The following PAX3 variants were observed in gnomAD, a reference collection of about 807,000 sequenced individuals.
PAX3 encodes the protein paired box protein Pax-3.
PAX3 carries 14 observed loss-of-function variants against 51.6 expected under a neutral mutation model. That is an observed-to-expected ratio of 0.27 (90% CI 0.18 to 0.42). PAX3 has a LOEUF of 0.42. Among genes scored for constraint, PAX3 ranks in the 10% least tolerant of loss-of-function variants. PAX3 has a pLI of 1.00. For missense variants in PAX3, 540 were observed against 642.8 expected (o/e 0.84, Z 1.73); for synonymous variants, 280 against 253.4 (o/e 1.11, Z -1.00).
intron 5 of PAX3, among the ~76,000 whole-genome samples, chr2:222,225,261 T>C (rs895820570): frequency 1.3e-5 from 2 of 152,208 alleles, no homozygotes; most frequent in African/African-American, 2.4e-5. Flanking sequence ...TCCCAACTTG[T>C]ATGTCTCTCT....
In PAX3 at chr2:222,218,250, G is replaced by C. The variant is rs114701745; in HGVS notation, c.1173+1890C>G. Reference sequence around the variant, plus strand: ...CCATCAACTCCAGAATCATAGCCAGGCTTCTTGAAGTCAAGGATTAATAGT... The same window carrying C: ...CCATCAACTCCAGAATCATAGCCAGCCTTCTTGAAGTCAAGGATTAATAGT... On this transcript the variant is annotated intron_variant, in intron 7 of 8. Coordinates refer to ENST00000392070, the MANE Select transcript of PAX3 (RefSeq NM_181458.4). 6.1e-3 allele frequency among the ~76,000 whole-genome samples: 924 copies of C among 152,194 alleles called. 7 individuals are homozygous for C. The highest frequency in any genetic ancestry group is 0.021 in the African/African-American group (885 of 41,522).
At chr2:222,261,912 A>T (rs66539021) in intron 4 of PAX3, among the ~76,000 whole-genome samples, 1 of 152,190 alleles carries the variant, frequency 6.6e-6, no homozygotes, top group Admixed American at 6.5e-5. Flanking sequence ...AAGCAGTTTA[A>T]ACAAGCATGA....
chr2:222,267,820 G>A (rs1227770401), intron 4 of PAX3, among the ~76,000 whole-genome samples: 1 of 152,132 alleles, frequency 6.6e-6, no homozygotes, highest in African/African-American at 2.4e-5. Flanking sequence ...AGCTGAAGTT[G>A]CTAATATGTT....
Position 222,201,094 on chromosome 2 carries a change from C to T in PAX3, c.*314G>A, listed in dbSNP as rs1230564802. On this transcript the variant is annotated 3_prime_UTR_variant, in exon 9 of 9. Coordinates refer to ENST00000392070, the MANE Select transcript of PAX3 (RefSeq NM_181458.4). The stretch of plus-strand genomic sequence containing the variant: ...AAGCAAATGGAATGTTCTAGCTCCT[C>T]GATGATCAGCACTAAAGAATTGGGA... 4.1e-6 allele frequency: 6 copies of T among 1,457,644 alleles called. No individual in the cohort carries two copies. Among genetic ancestry groups the T allele is most frequent in the Non-Finnish European group, 5.7e-6 (6 of 1,044,830 alleles). The allele number at this position is 1,457,644 out of a possible 1,614,324, so 90.3% of individuals were successfully genotyped here.
Position 222,232,249 on chromosome 2 carries a change from A to G in PAX3, c.621T>C (p.Ile207=). The change falls in exon 5 of 9, where the codon ATT becomes ATC. Residue 207 remains isoleucine, a synonymous_variant. Transcript: ENST00000392070. Reference sequence around the variant, plus strand: ...TTAGTGGTAAATCTGGTTCAGAGTCAATATCAGAGCCTTCATCTGATTGGG... The same window carrying G: ...TTAGTGGTAAATCTGGTTCAGAGTCGATATCAGAGCCTTCATCTGATTGGG... The part of the protein sequence containing the change: ...SAPQSDEGSD[I]DSEPDLPLKR... The G allele has an allele frequency of 6.2e-7, 1 of 1,614,056 alleles. No individual in the cohort carries two copies. The highest frequency in any genetic ancestry group is 1.3e-5 in the African/African-American group (1 of 75,036).
chr2:222,295,489 G>C lies in PAX3; in HGVS notation c.451+39C>G. The C allele has an allele frequency of 6.2e-7, 1 of 1,613,030 alleles. No individual in the cohort carries two copies. The highest frequency in any genetic ancestry group is 8.5e-7 in the Non-Finnish European group (1 of 1,179,004). ...TCGACGTGCCGGGGTAATAGCGACT[G>C]ACTGTCGCGCCTCGGGGAGAGGTTA... On this transcript the variant is annotated intron_variant, in intron 3 of 8. Coordinates refer to ENST00000392070, the MANE Select transcript of PAX3 (RefSeq NM_181458.4).
chr2:222,232,636 G>T (rs957156615), intron 4 of PAX3, among the ~76,000 whole-genome samples: 2 of 152,124 alleles, frequency 1.3e-5, no homozygotes, highest in Non-Finnish European at 2.9e-5. Context: ...AGAAAACAGG[G>T]ACAGGCCTTA....
chr2:222,286,584 T>G (rs1694841948), intron 4 of PAX3, among the ~76,000 whole-genome samples: 1 of 152,236 alleles, frequency 6.6e-6, no homozygotes, highest in Non-Finnish European at 1.5e-5. Context: ...ACTTAAAAAA[T>G]CCTGCAGCAA....
At chr2:222,235,100 A>G (rs1042708842) in intron 4 of PAX3, among the ~76,000 whole-genome samples, 2 of 152,208 alleles carry the variant, frequency 1.3e-5, no homozygotes, top group Non-Finnish European at 1.5e-5. Flanking sequence ...TCAAGTAAAT[A>G]TGATGTGCCA....
At chr2:222,272,413 A>G (rs948113665) in intron 4 of PAX3, among the ~76,000 whole-genome samples, 15 of 152,340 alleles carry the variant, frequency 9.8e-5, no homozygotes, top group African/African-American at 3.1e-4. Flanking sequence ...GTAGGCTTCA[A>G]TGGGTAACAT....
At chr2:222,208,957 C>G (rs1351118660) in intron 7 of PAX3, among the ~76,000 whole-genome samples, 1 of 152,090 alleles carries the variant, frequency 6.6e-6, no homozygotes, top group African/African-American at 2.4e-5. Flanking sequence ...TTCATAAATG[C>G]AAATCTTAGT....
chr2:222,287,425 TA>T (rs1694871349), intron 4 of PAX3: 2 of 152,322 alleles, frequency 1.3e-5, no homozygotes, highest in South Asian at 4.1e-4. Flanking sequence ...ATTCCCCAAC[TA>T]AAGGCAGCCG....
At position 222,298,795 on chromosome 2, in the gene PAX3, T is replaced by C; in HGVS notation, c.-180A>G. On this transcript the variant is annotated 5_prime_UTR_variant, in exon 1 of 9. Coordinates refer to ENST00000392070, the MANE Select transcript of PAX3 (RefSeq NM_181458.4). ...CGGTTCCTAGTCCAGAGGCCGGAGC[T>C]GGAACCCGGGAAAGGGGAGGACGGG... 1 of 646,812 alleles carries C rather than the reference T, an allele frequency of 1.5e-6. No individual in the cohort carries two copies. The allele number at this position is 646,812 out of a possible 1,614,324, so 40.1% of individuals were successfully genotyped here.
chr2:222,216,610 G>A (rs575556502), intron 7 of PAX3, among the ~76,000 whole-genome samples: 5 of 152,262 alleles, frequency 3.3e-5, no homozygotes, highest in Admixed American at 6.5e-5. Context: ...TCTATGATGC[G>A]CCATTTGGCA....
intron 4 of PAX3, among the ~76,000 whole-genome samples, chr2:222,261,026 G>A (rs895975376): frequency 1.3e-5 from 2 of 152,230 alleles, no homozygotes; most frequent in African/African-American, 2.4e-5. Context: ...AATGCAGTGA[G>A]TGCAGTCTCA....
At chr2:222,229,517 C>T (rs1432334493) in intron 5 of PAX3, among the ~76,000 whole-genome samples, 1 of 152,082 alleles carries the variant, frequency 6.6e-6, no homozygotes, top group African/African-American at 2.4e-5. Context: ...AATCGGTTGT[C>T]CATTCTACCT....
At position 222,298,789 on chromosome 2, in the gene PAX3, C is replaced by T. The variant is rs1008361487; in HGVS notation, c.-174G>A. ...GGCTGTCGGTTCCTAGTCCAGAGGC[C>T]GGAGCTGGAACCCGGGAAAGGGGAG... On this transcript the variant is annotated 5_prime_UTR_variant, in exon 1 of 9. Coordinates refer to ENST00000392070, the MANE Select transcript of PAX3 (RefSeq NM_181458.4). The T allele has an allele frequency of 2.3e-5, 15 of 658,634 alleles. No homozygotes were observed. In the East Asian group the frequency reaches 3.8e-4, roughly 17 times the overall value. 40.8% of individuals were successfully genotyped at this position (658,634 alleles called of 1,614,324 possible).
chr2:222,250,892 T>C (rs926587058), intron 4 of PAX3, among the ~76,000 whole-genome samples: 3 of 152,166 alleles, frequency 2.0e-5, no homozygotes, highest in Admixed American at 2.0e-4. Context: ...CACATGATCA[T>C]TTGAGGGAGA....
intron 4 of PAX3, 57 bp from the exon 5 acceptor site, chr2:222,232,340 G>A: frequency 6.7e-7 from 1 of 1,484,248 alleles, no homozygotes; most frequent in Middle Eastern, 1.7e-4. Context: ...ATAAAACTGA[G>A]ATTGAATCCA....
Sources: allele counts gnomAD v4.1 joint callset (sites outside exome capture counted in the v4.1 genomes callset), GRCh38; gene constraint gnomAD v4.1.1; transcripts MANE v1.5; gene names NCBI Gene and HGNC (gene_info 2026-07-23, HGNC 2026-07-21).